Variants in FHIT observed in about 807,000 individuals in gnomAD.
The protein encoded by FHIT is bis(5'-adenosyl)-triphosphatase.
In FHIT, 19 loss-of-function variants were observed where a neutral mutation model predicts 17.9. The observed-to-expected ratio is 1.06, with a 90% CI of 0.74 to 1.56. The LOEUF is 1.56. FHIT is among the 40% of genes most tolerant of loss of function. The pLI is 0.00. For synonymous variants in FHIT, 81 were observed against 69.7 expected, an observed-to-expected ratio of 1.16 and a Z score of -0.81; for missense variants, 248 against 189.2, an observed-to-expected ratio of 1.31 and a Z score of -1.82.
intron 5 of FHIT, among the ~76,000 whole-genome samples, chr3:60,369,664 T>C (rs572994316): frequency 6.6e-6 from 1 of 152,304 alleles, no homozygotes; most frequent in South Asian, 2.1e-4. Context: ...TCTCCTAAGG[T>C]AGGTCTCCTT....
intron 5 of FHIT, among the ~76,000 whole-genome samples, chr3:60,432,438 G>A (rs766759421): frequency 1.3e-5 from 2 of 152,036 alleles, no homozygotes; most frequent in Non-Finnish European, 2.9e-5. Context: ...CCATCCATAT[G>A]CGTCATCTAT....
intron 2 of FHIT, among the ~76,000 whole-genome samples, chr3:61,133,124 C>T (rs11706821): frequency 0.24 from 36,621 of 152,090 alleles, 4,489 homozygotes; most frequent in African/African-American, 0.27. Context: ...TAAAGGAAGA[C>T]GTCTCAAACC....
chr3:60,680,044 A>G (rs1384097658), intron 4 of FHIT, among the ~76,000 whole-genome samples: 1 of 152,188 alleles, frequency 6.6e-6, no homozygotes, highest in East Asian at 1.9e-4. Flanking sequence ...TATCAAAAAG[A>G]TACTATTGTA....
intron 5 of FHIT, among the ~76,000 whole-genome samples, chr3:60,457,155 G>C (rs61039504): frequency 0.19 from 29,073 of 151,730 alleles, 2,916 homozygotes; most frequent in Admixed American, 0.29. Flanking sequence ...AAAGCTGGAG[G>C]CATCACACTA....
intron 5 of FHIT, among the ~76,000 whole-genome samples, chr3:60,216,655 C>T (rs527454193): frequency 6.6e-5 from 10 of 152,232 alleles, no homozygotes; most frequent in South Asian, 2.1e-4. Context: ...TCCTATAGCT[C>T]GCACTTAAAC....
chr3:59,848,331 A>G (rs979957911), intron 8 of FHIT, among the ~76,000 whole-genome samples: 4 of 151,966 alleles, frequency 2.6e-5, no homozygotes, highest in Non-Finnish European at 5.9e-5. Context: ...TGCCAATGCA[A>G]TTGTTATCTA....
chr3:59,834,945 A>G (rs761200428), intron 8 of FHIT, among the ~76,000 whole-genome samples: 3 of 152,208 alleles, frequency 2.0e-5, no homozygotes, highest in Non-Finnish European at 2.9e-5. Flanking sequence ...GTTTTAACTT[A>G]CTTAATATGT....
chr3:60,828,265 T>C (rs1236040884), intron 3 of FHIT, among the ~76,000 whole-genome samples: 5 of 152,204 alleles, frequency 3.3e-5, no homozygotes, highest in African/African-American at 1.2e-4. Context: ...ATTCACCTTT[T>C]TTAACATTAA....
At chr3:59,984,849 T>C (rs919557722) in intron 7 of FHIT, among the ~76,000 whole-genome samples, 1 of 152,088 alleles carries the variant, frequency 6.6e-6, no homozygotes, top group Non-Finnish European at 1.5e-5. Context: ...AGGGGCTACA[T>C]GTCATAATCC....
chr3:59,945,295 T>C (rs1347375024), intron 7 of FHIT, among the ~76,000 whole-genome samples: 1 of 152,160 alleles, frequency 6.6e-6, no homozygotes, highest in Non-Finnish European at 1.5e-5. Flanking sequence ...CATTTTTTCA[T>C]CTGCTTGTTG....
At chr3:60,998,589 C>T (rs2030837763) in intron 3 of FHIT, among the ~76,000 whole-genome samples, 1 of 152,070 alleles carries the variant, frequency 6.6e-6, no homozygotes, top group African/African-American at 2.4e-5. Context: ...TATGAGAATT[C>T]ATCTGGCTCA....
chr3:60,969,182 A>G (rs922024843), intron 3 of FHIT, among the ~76,000 whole-genome samples: 1 of 152,104 alleles, frequency 6.6e-6, no homozygotes, highest in African/African-American at 2.4e-5. Context: ...AAGATTTCTA[A>G]TTATGAAGCT....
intron 7 of FHIT, among the ~76,000 whole-genome samples, chr3:59,968,632 A>G (rs1008298584): frequency 9.9e-5 from 15 of 152,068 alleles, no homozygotes; most frequent in Non-Finnish European, 4.4e-5. Context: ...CTCCCCAGAG[A>G]CTCACAGAAA....
intron 5 of FHIT, among the ~76,000 whole-genome samples, chr3:60,033,758 G>C (rs942429408): frequency 2.6e-5 from 4 of 152,154 alleles, no homozygotes; most frequent in African/African-American, 9.7e-5. Flanking sequence ...CTTTTTCTGA[G>C]TATGTCTGAA....
chr3:60,767,267 G>A (rs1699889116), intron 4 of FHIT, among the ~76,000 whole-genome samples: 1 of 152,174 alleles, frequency 6.6e-6, no homozygotes, highest in Non-Finnish European at 1.5e-5. Context: ...ATATTTGTTT[G>A]CTCACTACAG....
chr3:59,917,832 G>A (rs992903040), intron 8 of FHIT, among the ~76,000 whole-genome samples: 1 of 152,206 alleles, frequency 6.6e-6, no homozygotes, highest in South Asian at 2.1e-4. Context: ...AGTAGCTCTC[G>A]AGCCTGCTTT....
chr3:60,497,598 T>C (rs1204649590), intron 5 of FHIT, among the ~76,000 whole-genome samples: 1 of 152,198 alleles, frequency 6.6e-6, no homozygotes, highest in Non-Finnish European at 1.5e-5. Context: ...TACACAGAGC[T>C]ATAAAAGGAA....
intron 3 of FHIT, among the ~76,000 whole-genome samples, chr3:60,913,140 A>T (rs1340169874): frequency 6.6e-6 from 1 of 152,144 alleles, no homozygotes; most frequent in Non-Finnish European, 1.5e-5. Context: ...GCATATAATG[A>T]CTCTGAGGAA....
intron 1 of FHIT, among the ~76,000 whole-genome samples, chr3:61,248,876 T>C (rs1026031478): frequency 6.6e-6 from 1 of 152,038 alleles, no homozygotes; most frequent in Non-Finnish European, 1.5e-5. Flanking sequence ...GAGATGAAGA[T>C]TGCAGACTAC....
Sources: gnomAD v4.1 joint callset for allele counts (sites outside exome capture counted in the v4.1 genomes callset) on GRCh38, gnomAD v4.1.1 for gene constraint, MANE v1.5 for transcripts, NCBI Gene and HGNC (gene_info 2026-07-23, HGNC 2026-07-21) for gene names.